The following EPHA6 variants were observed in gnomAD, a reference collection of about 807,000 sequenced individuals.
The protein encoded by EPHA6 is ephrin type-A receptor 6.
EPHA6 carries 50 observed loss-of-function variants against 112.0 expected under a neutral mutation model. The observed-to-expected ratio is 0.45, with a 90% CI of 0.36 to 0.56. The LOEUF (loss-of-function observed/expected upper bound fraction) is 0.56. Ranked by LOEUF, EPHA6 falls within the 20% of genes least tolerant of loss-of-function variation. EPHA6 has a pLI of 0.00. For missense variants in EPHA6, 1,280 were observed against 1,417.4 expected (o/e 0.90, Z 1.56); for synonymous variants, 529 against 490.7 (o/e 1.08, Z -1.03).
Position 97,448,616 on chromosome 3 carries a change from G to A in EPHA6, c.1780G>A (p.Val594Ile). 6.2e-7 allele frequency: 1 copy of A among 1,613,488 alleles called. No homozygotes were observed. Among genetic ancestry groups the A allele is most frequent in the East Asian group, 2.2e-5 (1 of 44,866 alleles). Residue 594 changes from valine (V) to isoleucine (I), a missense_variant, in exon 7 of 18, where the codon GTC (valine) becomes ATC (isoleucine). Val to Ile is a conservative substitution (Grantham distance 29, BLOSUM62 3). This residue lies in a region of EPHA6 where 878 missense variants were observed against 999.7 expected (regional missense o/e 0.88). Coordinates refer to ENST00000389672, the MANE Select transcript of EPHA6 (RefSeq NM_001080448.3). ...YSSTRSKAPS[V>I]IITGLKPATK... ...TTCCACAAGGTCCAAAGCCCCCAGT[G>A]TCATCATCACAGGTCTTAAGCCAGC...
intron 5 of EPHA6, among the ~76,000 whole-genome samples, chr3:97,267,304 A>C (rs932038607): frequency 6.6e-6 from 1 of 152,042 alleles, no homozygotes; most frequent in Non-Finnish European, 1.5e-5. Context: ...ACACAGATGC[A>C]TCGGTCCTTT....
chr3:97,143,378 A>T (rs183680988), intron 3 of EPHA6, among the ~76,000 whole-genome samples: 25 of 151,948 alleles, frequency 1.6e-4, no homozygotes, highest in Non-Finnish European at 2.7e-4. Context: ...CAATTGTTAG[A>T]AACCATGTGA....
intron 2 of EPHA6, among the ~76,000 whole-genome samples, chr3:96,925,144 G>A (rs1011676689): frequency 3.3e-5 from 5 of 152,152 alleles, no homozygotes; most frequent in Non-Finnish European, 7.3e-5. Context: ...TTGGTATCAA[G>A]ATGATGCTGG....
chr3:96,864,654 C>G (rs1240613386), intron 1 of EPHA6, among the ~76,000 whole-genome samples: 1 of 151,764 alleles, frequency 6.6e-6, no homozygotes, highest in Non-Finnish European at 1.5e-5. Context: ...TCATGATTTA[C>G]AAAAATGTAC....
intron 14 of EPHA6, among the ~76,000 whole-genome samples, chr3:97,660,402 C>G (rs1241115200): frequency 6.6e-6 from 1 of 152,026 alleles, no homozygotes; most frequent in Non-Finnish European, 1.5e-5. Flanking sequence ...GCAGAGGAAT[C>G]TAAACTGTGT....
At chr3:96,971,956 A>G (rs2042331759) in intron 2 of EPHA6, among the ~76,000 whole-genome samples, 1 of 152,314 alleles carries the variant, frequency 6.6e-6, no homozygotes, top group East Asian at 1.9e-4. Context: ...AGAACATATT[A>G]TACAAAAAAC....
intron 5 of EPHA6, among the ~76,000 whole-genome samples, chr3:97,264,963 A>G (rs568326084): frequency 1.3e-5 from 2 of 152,320 alleles, no homozygotes; most frequent in African/African-American, 4.8e-5. Context: ...TCTGCTAGGC[A>G]TGTTGTCCCA....
At chr3:97,524,669 G>A (rs898588572) in intron 10 of EPHA6, among the ~76,000 whole-genome samples, 2 of 152,034 alleles carry the variant, frequency 1.3e-5, no homozygotes, top group African/African-American at 2.4e-5. Context: ...GTCCCATGAT[G>A]ATGGATTTCC....
At chr3:97,027,355 C>T (rs763810367) in intron 3 of EPHA6, among the ~76,000 whole-genome samples, 2 of 151,846 alleles carry the variant, frequency 1.3e-5, no homozygotes, top group East Asian at 1.9e-4. Context: ...CTTAATACCT[C>T]GGTGATGAAA....
chr3:97,054,775 G>A (rs1029036858), intron 3 of EPHA6, among the ~76,000 whole-genome samples: 14 of 151,900 alleles, frequency 9.2e-5, no homozygotes, highest in African/African-American at 3.4e-4. Flanking sequence ...ATTTTATTTA[G>A]CCTGTTTTAT....
In EPHA6 at chr3:96,986,498, G is replaced by A. The variant is rs79392613; in HGVS notation, c.451-832G>A. On this transcript the variant is annotated intron_variant, in intron 2 of 17. Coordinates refer to ENST00000389672, the MANE Select transcript of EPHA6 (RefSeq NM_001080448.3). ...TATTTGTATTTACTGCTTCCTCTTTGCAAGTTTCACTATCTCATCTCTAAG... is the reference window on the plus strand; with the variant it reads ...TATTTGTATTTACTGCTTCCTCTTTACAAGTTTCACTATCTCATCTCTAAG... 4.4e-3 allele frequency among the ~76,000 whole-genome samples: 673 copies of A among 152,074 alleles called. 32 individuals carry two copies. The East Asian group carries it at 0.1, about 24-fold the overall frequency.
At chr3:97,440,628 A>G (rs942565332) in intron 6 of EPHA6, among the ~76,000 whole-genome samples, 1 of 151,144 alleles carries the variant, frequency 6.6e-6, no homozygotes, top group African/African-American at 2.4e-5. Flanking sequence ...TTAAAGCATA[A>G]TAGACAAATT....
At chr3:97,736,575 CAG>C (rs1559638051) in intron 16 of EPHA6, among the ~76,000 whole-genome samples, 3 of 150,558 alleles carry the variant, frequency 2.0e-5, no homozygotes, top group East Asian at 2.0e-4. Flanking sequence ...GCAAGCCAGA[CAG>C]GGGCAATTTG....
At chr3:97,510,372 T>C (rs1218666805) in intron 10 of EPHA6, among the ~76,000 whole-genome samples, 1 of 152,202 alleles carries the variant, frequency 6.6e-6, no homozygotes, top group Non-Finnish European at 1.5e-5. Flanking sequence ...GGGGTTTCTG[T>C]GTGGACATCC....
At chr3:97,519,967 A>ATTTTT (rs570022502) in intron 10 of EPHA6, among the ~76,000 whole-genome samples, 1 of 133,754 alleles carries the variant, frequency 7.5e-6, no homozygotes, top group Non-Finnish European at 1.6e-5. Context: ...TTTGGATGCA[A>ATTTTT]TTTTTTTTTT....
chr3:97,181,543 G>T (rs1481004081), intron 3 of EPHA6, among the ~76,000 whole-genome samples: 1 of 151,686 alleles, frequency 6.6e-6, no homozygotes, highest in African/African-American at 2.4e-5. Flanking sequence ...GCTTTGATGT[G>T]TTAGTTCTTA....
chr3:97,247,620 G>A (rs1232039381), intron 5 of EPHA6, among the ~76,000 whole-genome samples: 2 of 151,896 alleles, frequency 1.3e-5, no homozygotes, highest in African/African-American at 4.8e-5. Flanking sequence ...GGATAATGGA[G>A]GAATTAGAGG....
intron 5 of EPHA6, among the ~76,000 whole-genome samples, chr3:97,336,612 T>A (rs944366601): frequency 2.0e-5 from 3 of 152,180 alleles, no homozygotes; most frequent in Non-Finnish European, 4.4e-5. Context: ...ACAAGTGCAG[T>A]CTCTCTGTTG....
chr3:97,704,022 T>C (rs2033542193), intron 14 of EPHA6, among the ~76,000 whole-genome samples: 1 of 152,200 alleles, frequency 6.6e-6, no homozygotes, highest in South Asian at 2.1e-4. Flanking sequence ...CACTAGAATT[T>C]TTAATATAGA....
Sources: allele counts gnomAD v4.1 joint callset (sites outside exome capture counted in the v4.1 genomes callset), GRCh38; gene constraint gnomAD v4.1.1; regional missense constraint gnomAD v4.1.1; transcripts MANE v1.5; gene names NCBI Gene and HGNC (gene_info 2026-07-23, HGNC 2026-07-21).